Variants in NTSR1 observed in about 807,000 individuals in gnomAD.
NTSR1 encodes the protein neurotensin receptor type 1.
Under a neutral mutation model 31.2 loss-of-function variants are expected in NTSR1, and 29 were observed. The ratio of observed to expected loss-of-function variants is 0.93; its 90% CI spans 0.69 to 1.27. NTSR1 has a LOEUF of 1.27. NTSR1 is among the 50% of genes most tolerant of loss of function. The pLI is 0.00. For synonymous variants in NTSR1, 282 were observed against 269.9 expected (o/e 1.04, Z -0.44); for missense variants, 697 against 595.4 (o/e 1.17, Z -1.78).
chr20:62,741,653 A>G lies in NTSR1; in HGVS notation c.715-13032A>G, dbSNP rs1031860841. ...GAGCCTTTCCCAGAAATTCCAAACC[A>G]GAAGAAAAGTGCAGGGAACAGAGTG... On this transcript the variant is annotated intron_variant, in intron 1 of 3. Transcript: ENST00000370501. The surrounding 1 kb of genome is among the most constrained non-coding windows in gnomAD (Gnocchi z 4.3). Among the ~76,000 whole-genome samples the G allele has an allele frequency of 3.3e-5, 5 of 149,806 alleles. No individual in the cohort carries two copies. The highest frequency in any genetic ancestry group is 5.9e-5 in the Non-Finnish European group (4 of 68,012).
rs941106643 is a variant in NTSR1, at chr20:62,743,917, C to G, written c.715-10768C>G. On this transcript the variant is annotated intron_variant, in intron 1 of 3. Transcript: ENST00000370501. This position sits in a 1 kb window ranked among gnomAD's most constrained non-coding sequence, Gnocchi z 7.5. ...TGCCCTCACCTGTGGGCAGGCATAC[C>G]GTGTGCACCCCTCCCGCTCCCCACC... Among the ~76,000 whole-genome samples, 1 of 152,192 alleles carries G rather than the reference C, an allele frequency of 6.6e-6. No homozygotes were observed. Among genetic ancestry groups the G allele is most frequent in the Admixed American group, 6.5e-5 (1 of 15,288 alleles).
chr20:62,725,593 G>A (rs1012323552), intron 1 of NTSR1, among the ~76,000 whole-genome samples: 6 of 152,212 alleles, frequency 3.9e-5, no homozygotes, highest in Non-Finnish European at 5.9e-5. Context: ...ATCTGTCCAC[G>A]CCTCATCTGC....
chr20:62,741,379 A>G lies in NTSR1; in HGVS notation c.715-13306A>G, dbSNP rs1210383746. On this transcript the variant is annotated intron_variant, in intron 1 of 3. Transcript: ENST00000370501. The surrounding 1 kb of genome is among the most constrained non-coding windows in gnomAD (Gnocchi z 4.3). ...CTCAGGGCTCCCTGCTGCCTGGAAGAGGAGAGGAGGGCAAACCTCTTGCAG... is the reference window on the plus strand; with the variant it reads ...CTCAGGGCTCCCTGCTGCCTGGAAGGGGAGAGGAGGGCAAACCTCTTGCAG... Among the ~76,000 whole-genome samples, 1 of 139,872 alleles carries G rather than the reference A, an allele frequency of 7.1e-6. No homozygotes were observed. Among genetic ancestry groups the G allele is most frequent in the Non-Finnish European group, 1.5e-5 (1 of 67,378 alleles). The allele number at this position is 139,872 out of a possible 152,430, so 91.8% of individuals were successfully genotyped here.
At chr20:62,719,446 C>A (rs1328470227) in intron 1 of NTSR1, among the ~76,000 whole-genome samples, 1 of 150,372 alleles carries the variant, frequency 6.7e-6, no homozygotes, top group Non-Finnish European at 1.5e-5. Context: ...TCTCCACCCT[C>A]CCTCTCGGTA....
chr20:62,758,432 C>A lies in NTSR1; in HGVS notation c.1007+76C>A. On this transcript the variant is annotated intron_variant, in intron 3 of 3. Transcript: ENST00000370501. This position sits in a 1 kb window ranked among gnomAD's most constrained non-coding sequence, Gnocchi z 4.5. ...AAACAGATGGTGGGTGTGGCAGGCA[C>A]TGCTGAGGGGATCCACTCAGGGCAG... 4 of 1,336,210 alleles carry A rather than the reference C, an allele frequency of 3.0e-6. No homozygotes were observed. Among genetic ancestry groups the A allele is most frequent in the South Asian group, 1.2e-5 (1 of 82,802 alleles). The allele number at this position is 1,336,210 out of a possible 1,614,324, so 82.8% of individuals were successfully genotyped here. A position where few individuals can be genotyped will look rare whatever the true frequency, so the allele number is the denominator to read the frequency against.
rs1988698116 is a variant in NTSR1 at position 62,715,501 on chromosome 20, A to G, written c.714+5580A>G. Among the ~76,000 whole-genome samples, 1 of 152,202 alleles carries G rather than the reference A, an allele frequency of 6.6e-6. No individual in the cohort carries two copies. Among genetic ancestry groups the G allele is most frequent in the Non-Finnish European group, 1.5e-5 (1 of 68,030 alleles). On this transcript the variant is annotated intron_variant, in intron 1 of 3. Coordinates refer to ENST00000370501, the MANE Select transcript of NTSR1 (RefSeq NM_002531.3). This position sits in a 1 kb window ranked among gnomAD's most constrained non-coding sequence, Gnocchi z 4.7. ...GGTCAGGCTTTTGAGTGAGATGGGCAAGGGTGGGAACGTGAGGGGCCCAGA... is the reference window on the plus strand; with the variant it reads ...GGTCAGGCTTTTGAGTGAGATGGGCGAGGGTGGGAACGTGAGGGGCCCAGA...
rs990754524 is a variant in NTSR1 at position 62,711,072 on chromosome 20, G to A, written c.714+1151G>A. 6.6e-6 allele frequency among the ~76,000 whole-genome samples: 1 copy of A among 152,162 alleles called. No individual in the cohort carries two copies. The highest frequency in any genetic ancestry group is 2.4e-5 in the African/African-American group (1 of 41,454). On this transcript the variant is annotated intron_variant, in intron 1 of 3. Coordinates refer to ENST00000370501, the MANE Select transcript of NTSR1 (RefSeq NM_002531.3). The surrounding 1 kb of genome is among the most constrained non-coding windows in gnomAD (Gnocchi z 6.4). ...CGGTGGGGGTGAGGGCAGCAGTGCC[G>A]GGCAGGGGGTCACCTGTCTGTCACT...
intron 1 of NTSR1, among the ~76,000 whole-genome samples, chr20:62,740,693 G>A (rs543957020): frequency 1.5e-3 from 226 of 152,356 alleles, no homozygotes; most frequent in Non-Finnish European, 2.5e-3. Flanking sequence ...TCCCCAGAGA[G>A]GTGGGGGCCG....
chr20:62,730,240 G>A (rs901868714), intron 1 of NTSR1, among the ~76,000 whole-genome samples: 1 of 152,058 alleles, frequency 6.6e-6, no homozygotes, highest in Non-Finnish European at 1.5e-5. Flanking sequence ...AAAATCCTTG[G>A]AGCTCCACCT....
In NTSR1 at chr20:62,709,396, G is replaced by A; in HGVS notation, c.189G>A (p.Lys63=). 1 of 1,608,966 alleles carries A rather than the reference G, an allele frequency of 6.2e-7. No individual in the cohort carries two copies. The highest frequency in any genetic ancestry group is 1.1e-5 in the South Asian group (1 of 90,894). ...ELDVNTDIYS[K]VLVTAVYLAL... ...ACGTGAACACCGACATCTACTCCAA[G>A]GTGCTGGTGACCGCCGTGTACCTGG... is the stretch of plus-strand genomic sequence containing the variant. The change falls in exon 1 of 4, where the codon AAG becomes AAA. Residue 63 remains lysine (K), a synonymous_variant. Coordinates refer to ENST00000370501, the MANE Select transcript of NTSR1 (RefSeq NM_002531.3).
intron 1 of NTSR1, among the ~76,000 whole-genome samples, chr20:62,751,260 T>G (rs1392707007): frequency 6.6e-6 from 1 of 152,226 alleles, no homozygotes; most frequent in Non-Finnish European, 1.5e-5. Context: ...AATTTAAAAC[T>G]TCCATGATTT....
chr20:62,746,829 T>A (rs1989309013), intron 1 of NTSR1, among the ~76,000 whole-genome samples: 1 of 152,208 alleles, frequency 6.6e-6, no homozygotes, highest in African/African-American at 2.4e-5. Flanking sequence ...CGCCGATGGA[T>A]GCTACAAACA....
Position 62,709,599 on chromosome 20 carries a change from A to G in NTSR1, c.392A>G (p.His131Arg). The change falls in exon 1 of 4, where the codon CAC becomes CGC. Residue 131 changes from histidine (H) to arginine (R), a missense_variant. Physicochemically the swap from His to Arg is conservative, Grantham distance 29 (BLOSUM62 0). Transcript: ENST00000370501. ...PVELYNFIWV[H>R]HPWAFGDAGC... ...GAGCTGTACAACTTCATCTGGGTGC[A>G]CCACCCCTGGGCCTTCGGCGACGCC... The G allele has an allele frequency of 1.2e-6, 2 of 1,611,600 alleles. No individual in the cohort carries two copies. Among genetic ancestry groups the G allele is most frequent in the Non-Finnish European group, 1.7e-6 (2 of 1,179,886 alleles).
intron 1 of NTSR1, among the ~76,000 whole-genome samples, chr20:62,728,234 T>C (rs1988942951): frequency 6.6e-6 from 1 of 152,108 alleles, no homozygotes; most frequent in Non-Finnish European, 1.5e-5. Context: ...CGAGCCTTGA[T>C]CAACAGGAGG....
intron 1 of NTSR1, among the ~76,000 whole-genome samples, chr20:62,752,507 C>A (rs1023828764): frequency 6.6e-6 from 1 of 152,220 alleles, no homozygotes; most frequent in Non-Finnish European, 1.5e-5. Flanking sequence ...CCTCTGTCCC[C>A]ACACGTGGCC....
intron 1 of NTSR1, among the ~76,000 whole-genome samples, chr20:62,751,712 G>A (rs1036030822): frequency 6.6e-6 from 1 of 152,276 alleles, no homozygotes; most frequent in African/African-American, 2.4e-5. Flanking sequence ...CTTTTGGGAT[G>A]TGTTGATTGG....
chr20:62,739,804 G>A (rs1013526265), intron 1 of NTSR1, among the ~76,000 whole-genome samples: 8 of 152,278 alleles, frequency 5.3e-5, no homozygotes, highest in Admixed American at 2.6e-4. Flanking sequence ...ACAGAGAACC[G>A]TGGGGCTGGA....
At position 62,760,519 on chromosome 20, in the gene NTSR1, T is replaced by G; in HGVS notation, c.*252T>G. 2 of 415,870 alleles carry G rather than the reference T, an allele frequency of 4.8e-6. No homozygotes were observed. The highest frequency in any genetic ancestry group is 8.5e-6 in the Non-Finnish European group (2 of 235,426). The allele number at this position is 415,870 out of a possible 1,614,324, so 25.8% of individuals were successfully genotyped here. On this transcript the variant is annotated 3_prime_UTR_variant, in exon 4 of 4. Coordinates refer to ENST00000370501, the MANE Select transcript of NTSR1 (RefSeq NM_002531.3). ...GAAAGCCAGAACAAGAGAGCGCTCC[T>G]CTCCCAGATAGGAAAAGGGCCTCTA...
intron 1 of NTSR1, among the ~76,000 whole-genome samples, chr20:62,730,019 C>A (rs1600724595): frequency 1.3e-5 from 2 of 152,130 alleles, no homozygotes; most frequent in Non-Finnish European, 2.9e-5. Context: ...CTGGCCCTCA[C>A]CTGTTAATAA....
Sources: allele counts gnomAD v4.1 joint callset (sites outside exome capture counted in the v4.1 genomes callset), GRCh38; gene constraint gnomAD v4.1.1; non-coding constraint Gnocchi (gnomAD v3.1); transcripts MANE v1.5; gene names NCBI Gene and HGNC (gene_info 2026-07-23, HGNC 2026-07-21).